Variants in BRWD1 observed in about 807,000 individuals in gnomAD.
BRWD1 encodes bromodomain and WD repeat-containing protein 1.
Under a neutral mutation model 251.2 loss-of-function variants are expected in BRWD1, and 82 were observed. That is an observed-to-expected ratio of 0.33 (90% CI 0.27 to 0.39). BRWD1 has a LOEUF of 0.39. BRWD1 is among the 10% of genes least tolerant of loss of function. The pLI, the probability that BRWD1 is intolerant of heterozygous loss-of-function variation, is 1.00. For synonymous variants in BRWD1, 918 were observed against 902.8 expected, an observed-to-expected ratio of 1.02 and a Z score of -0.30; for missense variants, 2,233 against 2,711.6, an observed-to-expected ratio of 0.82 and a Z score of 3.92.
chr21:39,307,286 T>A (rs894059777), intron 4 of BRWD1, among the ~76,000 whole-genome samples: 5 of 152,338 alleles, frequency 3.3e-5, no homozygotes, highest in African/African-American at 1.2e-4. Flanking sequence ...TAGACAAACC[T>A]AACCATGAAT....
chr21:39,254,647 G>A (rs764542345), intron 19 of BRWD1, among the ~76,000 whole-genome samples: 11 of 152,168 alleles, frequency 7.2e-5, no homozygotes, highest in Non-Finnish European at 1.6e-4. Context: ...TTTGCTACTT[G>A]AAAACTAAGT....
intron 32 of BRWD1, among the ~76,000 whole-genome samples, chr21:39,214,091 G>A (rs1007644313): frequency 1.7e-4 from 26 of 152,132 alleles, no homozygotes; most frequent in Non-Finnish European, 2.6e-4. Context: ...TTCTGGGGAG[G>A]AGGTAACTTA....
At chr21:39,203,435 G>C (rs2065310) in intron 37 of BRWD1, among the ~76,000 whole-genome samples, 1 of 139,402 alleles carries the variant, frequency 7.2e-6, no homozygotes, top group African/African-American at 2.7e-5. Flanking sequence ...CAAGACCCTG[G>C]TTCTTTTTTT....
In BRWD1 at chr21:39,274,486, G is replaced by A. The variant is rs764514560; in HGVS notation, c.1146-14C>T. ...CCACTTAGGAACCTTAAAACATTCA[G>A]AACAGGATCTTACTATATTCACACA... On this transcript the variant is annotated splice_polypyrimidine_tract_variant and intron_variant, in intron 12 of 40. Transcript: ENST00000342449. 16 of 1,592,034 alleles carry A rather than the reference G, an allele frequency of 1.0e-5. No individual in the cohort carries two copies. Among genetic ancestry groups the A allele is most frequent in the Non-Finnish European group, 1.4e-5 (16 of 1,160,460 alleles).
chr21:39,255,593 T>A, intron 19 of BRWD1, 52 bp downstream of exon 19: 1 of 1,452,720 alleles, frequency 6.9e-7, no homozygotes, highest in Middle Eastern at 1.8e-4. Context: ...AATAACCATA[T>A]AAATATATTT....
chr21:39,186,495 G>A lies in BRWD1; in HGVS notation c.*9764C>T, dbSNP rs2297256. 72,025 of 151,940 alleles carry A rather than the reference G, an allele frequency of 0.47. 17,246 individuals are homozygous for A. The highest frequency in any genetic ancestry group is 0.54 in the Admixed American group (8,212 of 15,278). The allele number at this position is 151,940 out of a possible 1,614,324, so 9.4% of individuals were successfully genotyped here. ...TTTTTGACCTTTGGGGATGTGAATT[G>A]TAGGGAATGGATCTGGGTAGTTTTT... is the stretch of plus-strand genomic sequence containing the variant. On this transcript the variant is annotated 3_prime_UTR_variant, in exon 41 of 41. Transcript: ENST00000342449.
rs1008211503 is a variant in BRWD1 at position 39,188,480 on chromosome 21, A to C, written c.*7779T>G. On this transcript the variant is annotated 3_prime_UTR_variant, in exon 41 of 41. Coordinates refer to ENST00000342449, the MANE Select transcript of BRWD1 (RefSeq NM_033656.4). ...GAGCTCTTTTAGTCAGATACTATCA[A>C]GTAACACTATTATTCTGTAGCAATG... 8.1e-6 allele frequency: 8 copies of C among 985,312 alleles called. No homozygotes were observed. Among genetic ancestry groups the C allele is most frequent in the Admixed American group, 6.1e-5 (1 of 16,272 alleles). The allele number at this position is 985,312 out of a possible 1,614,324, so 61.0% of individuals were successfully genotyped here. A position where few individuals can be genotyped will look rare whatever the true frequency, so the allele number is the denominator to read the frequency against.
chr21:39,301,582 T>C (rs77404387), intron 4 of BRWD1, among the ~76,000 whole-genome samples: 2,315 of 152,210 alleles, frequency 0.015, 58 homozygotes, highest in African/African-American at 0.053. Context: ...GTTCTGCCAA[T>C]ATTTTGACTG....
intron 4 of BRWD1, among the ~76,000 whole-genome samples, chr21:39,302,834 CG>C (rs2036164075): frequency 6.6e-6 from 1 of 151,048 alleles, no homozygotes; most frequent in Non-Finnish European, 1.5e-5. Context: ...CCCAGACAGG[CG>C]GATCACTTGA....
chr21:39,282,960 A>C, intron 8 of BRWD1, among the ~76,000 whole-genome samples: 1 of 67,288 alleles, frequency 1.5e-5, no homozygotes, highest in East Asian at 2.2e-4. Context: ...ACTCCGTCAC[A>C]AAAAAAAAAA....
intron 4 of BRWD1, among the ~76,000 whole-genome samples, chr21:39,304,954 G>A (rs923892108): frequency 7.5e-5 from 9 of 120,408 alleles, no homozygotes; most frequent in African/African-American, 2.8e-4. Context: ...GTCATATTTG[G>A]AGATTTTTTT....
At position 39,186,899 on chromosome 21, in the gene BRWD1, T is replaced by C. The variant is rs1177968645; in HGVS notation, c.*9360A>G. On this transcript the variant is annotated 3_prime_UTR_variant, in exon 41 of 41. Transcript: ENST00000342449. Reference sequence around the variant, plus strand: ...TGACTGGGAGGAACCCACTGGATTATGGCTTTTAGAAAATTCCTCCAAAGA... The same window carrying C: ...TGACTGGGAGGAACCCACTGGATTACGGCTTTTAGAAAATTCCTCCAAAGA... The C allele has an allele frequency of 5.5e-6, 8 of 1,457,792 alleles. No homozygotes were observed. The highest frequency in any genetic ancestry group is 4.5e-6 in the Non-Finnish European group (5 of 1,101,728). 90.3% of individuals were successfully genotyped at this position (1,457,792 alleles called of 1,614,324 possible).
Position 39,215,220 on chromosome 21 carries a change from T to C in BRWD1, c.3785+17A>G. The C allele has an allele frequency of 6.2e-7, 1 of 1,608,034 alleles. No individual in the cohort carries two copies. Among genetic ancestry groups the C allele is most frequent in the Non-Finnish European group, 8.5e-7 (1 of 1,175,052 alleles). ...AATATGCAGTCACTTTTACACAACA[T>C]CTATGAAATTACTTACTTGATAAAT... On this transcript the variant is annotated intron_variant, in intron 32 of 40. Coordinates refer to ENST00000342449, the MANE Select transcript of BRWD1 (RefSeq NM_033656.4).
At chr21:39,232,308 AAAAATTAAG>A in intron 24 of BRWD1, 24 bp from the exon 25 acceptor site, 1 of 1,606,082 alleles carries the variant, frequency 6.2e-7, no homozygotes, top group South Asian at 1.1e-5. Context: ...ATATGCATTT[AAAAATTAAG>A]AGCAATATAA....
rs2031532032 is a variant in BRWD1 at position 39,191,170 on chromosome 21, A to T, written c.*5089T>A. 1.0e-6 allele frequency: 1 copy of T among 985,308 alleles called. No homozygotes were observed. Among genetic ancestry groups the T allele is most frequent in the Middle Eastern group, 5.2e-4 (1 of 1,914 alleles). The allele number at this position is 985,308 out of a possible 1,614,324, so 61.0% of individuals were successfully genotyped here. On this transcript the variant is annotated 3_prime_UTR_variant, in exon 41 of 41. Transcript: ENST00000342449. ...TGTTTTCAATCTACCCTATTACTGT[A>T]CTACTGGAAAGAAACCAGGCCACAG...
At chr21:39,234,349 T>C (rs2033733115) in intron 23 of BRWD1, among the ~76,000 whole-genome samples, 1 of 152,158 alleles carries the variant, frequency 6.6e-6, no homozygotes, top group Admixed American at 6.5e-5. Context: ...GGATTTAGAA[T>C]CTTTTTTACT....
intron 21 of BRWD1, among the ~76,000 whole-genome samples, chr21:39,240,163 A>G (rs952725278): frequency 3.3e-5 from 5 of 152,252 alleles, no homozygotes; most frequent in Non-Finnish European, 7.3e-5. Context: ...TACTAGCTAT[A>G]TGATTCCAAT....
chr21:39,320,380 G>A (rs1381281616), intron 1 of BRWD1, among the ~76,000 whole-genome samples: 1 of 152,048 alleles, frequency 6.6e-6, no homozygotes, highest in African/African-American at 2.4e-5. Context: ...TGTCATCCAG[G>A]GTGGAGTGCA....
chr21:39,268,262 A>C (rs568170671), intron 15 of BRWD1, among the ~76,000 whole-genome samples: 4 of 152,182 alleles, frequency 2.6e-5, no homozygotes, highest in African/African-American at 9.6e-5. Flanking sequence ...AAGATGGTGA[A>C]ACCCCATCTC....
Sources: allele counts gnomAD v4.1 joint callset (sites outside exome capture counted in the v4.1 genomes callset), GRCh38; gene constraint gnomAD v4.1.1; transcripts MANE v1.5; gene names NCBI Gene and HGNC (gene_info 2026-07-23, HGNC 2026-07-21).